PON2: variants seen among roughly 807,000 people sequenced by gnomAD.
PON2 encodes the protein serum paraoxonase/arylesterase 2.
In PON2, 27 loss-of-function variants were observed where a neutral mutation model predicts 36.6. The observed-to-expected ratio is 0.74, with a 90% CI of 0.54 to 1.02. The LOEUF (loss-of-function observed/expected upper bound fraction) is 1.02. PON2 is among the 50% of genes least tolerant of loss of function. The pLI, the probability that PON2 is intolerant of heterozygous loss-of-function variation, is 0.00. For missense variants in PON2, 363 were observed against 421.1 expected (o/e 0.86, Z 1.21); for synonymous variants, 149 against 156.3 (o/e 0.95, Z 0.35).
chr7:95,430,367 A>G (rs1424838658), intron 1 of PON2, among the ~76,000 whole-genome samples: 1 of 150,984 alleles, frequency 6.6e-6, no homozygotes. Flanking sequence ...GCTGGAGTGC[A>G]ATGGCTCACT....
chr7:95,415,754 C>T (rs755994343), intron 3 of PON2: 4 of 176,264 alleles, frequency 2.3e-5, no homozygotes, highest in Admixed American at 5.5e-5. Context: ...GTGTTTGAGA[C>T]CAGCCTGGCC....
chr7:95,423,564 G>T lies in PON2; in HGVS notation c.145+951C>A, dbSNP rs1015873303. Among the ~76,000 whole-genome samples, 122 of 152,044 alleles carry T rather than the reference G, an allele frequency of 8.0e-4. 3 individuals are homozygous for T. Among genetic ancestry groups the T allele is most frequent in the Non-Finnish European group, 1.9e-4 (13 of 68,004 alleles). ...CTTATCTATAGCAAAATTGGGGCTT[G>T]CTCTTAGGAACCCCTACTCAAAGAC... On this transcript the variant is annotated intron_variant, in intron 2 of 8. Coordinates refer to ENST00000222572, the MANE Select transcript of PON2 (RefSeq NM_000305.3).
intron 1 of PON2, among the ~76,000 whole-genome samples, chr7:95,425,625 C>G (rs563971450): frequency 6.6e-6 from 1 of 152,294 alleles, no homozygotes; most frequent in African/African-American, 2.4e-5. Flanking sequence ...GTGCATATTC[C>G]TGACAGCTTC....
At chr7:95,418,195 T>C (rs1026843993) in intron 2 of PON2, 2 of 152,236 alleles carry the variant, frequency 1.3e-5, no homozygotes, top group Non-Finnish European at 2.9e-5. Context: ...CAGTCAATGC[T>C]AGAGAAATTT....
intron 7 of PON2, among the ~76,000 whole-genome samples, chr7:95,406,728 C>A (rs1251334060): frequency 1.3e-5 from 2 of 152,140 alleles, no homozygotes; most frequent in African/African-American, 2.4e-5. Flanking sequence ...TATTGGAATT[C>A]TTCCACTGCC....
intron 6 of PON2, among the ~76,000 whole-genome samples, chr7:95,407,936 A>G (rs1333622193): frequency 6.6e-6 from 1 of 152,182 alleles, no homozygotes; most frequent in Non-Finnish European, 1.5e-5. Flanking sequence ...ACAAGAGCAG[A>G]ATCACAGGAG....
At chr7:95,427,999 T>C (rs1789354643) in intron 1 of PON2, among the ~76,000 whole-genome samples, 1 of 152,224 alleles carries the variant, frequency 6.6e-6, no homozygotes, top group African/African-American at 2.4e-5. Context: ...CCTAACACTT[T>C]ATGTCTATAA....
At chr7:95,417,067 AAAG>A (rs1789079929) in intron 2 of PON2, among the ~76,000 whole-genome samples, 1 of 152,036 alleles carries the variant, frequency 6.6e-6, no homozygotes, top group South Asian at 2.1e-4. Flanking sequence ...AAACACAAGA[AAAG>A]AAGAATAAAA....
Position 95,407,053 on chromosome 7 carries a change from A to G in PON2, c.711T>C (p.Ala237=), listed in dbSNP as rs2116450334. The part of the protein sequence containing the change: ...ISPDDKYIYV[A]DILAHEIHVL... Reference sequence around the variant, plus strand: ...CATGAATTTCATGAGCCAATATGTCAGCAACATAGATATACCTTTGCAGAA... The same window carrying G: ...CATGAATTTCATGAGCCAATATGTCGGCAACATAGATATACCTTTGCAGAA... Residue 237 remains alanine (A), a synonymous_variant, in exon 7 of 9, where the codon GCT becomes GCC. Transcript: ENST00000222572. The G allele has an allele frequency of 6.3e-7, 1 of 1,594,606 alleles. No individual in the cohort carries two copies. The highest frequency in any genetic ancestry group is 8.6e-7 in the Non-Finnish European group (1 of 1,162,676).
In PON2 at chr7:95,430,119, A is replaced by C. The variant is rs1789403302; in HGVS notation, c.74+4759T>G. Among the ~76,000 whole-genome samples, 5 of 152,300 alleles carry C rather than the reference A, an allele frequency of 3.3e-5. No homozygotes were observed. The South Asian group carries it at 1.0e-3, about 32-fold the overall frequency. On this transcript the variant is annotated intron_variant, in intron 1 of 8. Transcript: ENST00000222572. ...CTATGAAGACTGGATGAAGGCATAA[A>C]AGTAAAAGAGCTTTCTTTCCAAATA...
chr7:95,431,913 TA>T (rs35310147), intron 1 of PON2, among the ~76,000 whole-genome samples: 89,376 of 143,816 alleles, frequency 0.62, 27,466 homozygotes, highest in East Asian at 0.83. Flanking sequence ...ATGCTTATAC[TA>T]AAAAAAAAAA....
At chr7:95,426,123 G>C (rs1252527619) in intron 1 of PON2, among the ~76,000 whole-genome samples, 1 of 152,000 alleles carries the variant, frequency 6.6e-6, no homozygotes, top group Non-Finnish European at 1.5e-5. Context: ...AGTAGACAAG[G>C]GCTGAAAAAC....
At chr7:95,415,893 A>C in intron 3 of PON2, 1 of 240,822 alleles carries the variant, frequency 4.2e-6, no homozygotes, top group Non-Finnish European at 8.1e-6. Context: ...CGGAGGTTGC[A>C]GTAAGCTGAG....
chr7:95,414,216 C>T (rs1397690128), intron 3 of PON2, among the ~76,000 whole-genome samples: 1 of 151,974 alleles, frequency 6.6e-6, no homozygotes, highest in African/African-American at 2.4e-5. Flanking sequence ...ACCCTCAACC[C>T]ATAACTGTAA....
At chr7:95,424,652 GA>G in intron 1 of PON2, 67 bp from the exon 2 acceptor site, 1 of 1,320,834 alleles carries the variant, frequency 7.6e-7, no homozygotes, top group Non-Finnish European at 1.1e-6. Flanking sequence ...CTTTGTTTTA[GA>G]AAGGGTTTAA....
chr7:95,412,047 T>A (rs1788940506), intron 4 of PON2, among the ~76,000 whole-genome samples: 1 of 152,244 alleles, frequency 6.6e-6, no homozygotes, highest in South Asian at 2.1e-4. Context: ...TACAGTTCTT[T>A]TTTAAATGTG....
chr7:95,416,736 G>A lies in PON2; in HGVS notation c.146-439C>T, dbSNP rs542429707. ...CAAACAGACATCTTTCTCATTAACA[G>A]AGGTAAAACACCTGGGATTATATAT... On this transcript the variant is annotated intron_variant, in intron 2 of 8. Coordinates refer to ENST00000222572, the MANE Select transcript of PON2 (RefSeq NM_000305.3). 7.2e-5 allele frequency among the ~76,000 whole-genome samples: 11 copies of A among 152,318 alleles called. No individual in the cohort carries two copies. The South Asian group carries it at 2.1e-3, about 29-fold the overall frequency.
chr7:95,411,049 C>T (rs538296516), intron 5 of PON2, among the ~76,000 whole-genome samples: 89 of 152,152 alleles, frequency 5.8e-4, no homozygotes, highest in Admixed American at 5.8e-3. Context: ...CTAAAAGAAG[C>T]AGTAGGCTAA....
chr7:95,422,408 T>A (rs922997886), intron 2 of PON2, among the ~76,000 whole-genome samples: 2 of 152,196 alleles, frequency 1.3e-5, no homozygotes, highest in African/African-American at 4.8e-5. Flanking sequence ...TTATTTTTAT[T>A]TACTTTCCAT....
Sources: allele counts gnomAD v4.1 joint callset (sites outside exome capture counted in the v4.1 genomes callset), GRCh38; gene constraint gnomAD v4.1.1; transcripts MANE v1.5; gene names NCBI Gene and HGNC (gene_info 2026-07-23, HGNC 2026-07-21).